DNAH3: variants seen among roughly 807,000 people sequenced by gnomAD.
DNAH3 encodes dynein axonemal heavy chain 3, also known as axonemal beta dynein heavy chain 3.
A neutral mutation model predicts 432.5 loss-of-function variants in DNAH3; 332 were observed. The observed-to-expected ratio is 0.77, with a 90% CI of 0.70 to 0.84. The LOEUF (loss-of-function observed/expected upper bound fraction) is 0.84. Among genes scored for constraint, DNAH3 ranks in the 40% least tolerant of loss-of-function variants. The pLI is 0.00. For synonymous variants in DNAH3, 1,956 were observed against 1,900.2 expected, an observed-to-expected ratio of 1.03 and a Z score of -0.76; for missense variants, 4,861 against 5,114.0, an observed-to-expected ratio of 0.95 and a Z score of 1.51.
At chr16:21,152,382 C>T (rs2092862111) in intron 1 of DNAH3, among the ~76,000 whole-genome samples, 1 of 152,240 alleles carries the variant, frequency 6.6e-6, no homozygotes, top group Non-Finnish European at 1.5e-5. Context: ...AGAACACAAA[C>T]ATTCCCGAGT....
chr16:20,959,505 C>T, intron 53 of DNAH3, 101 bp from the exon 54 acceptor site: 1 of 1,222,522 alleles, frequency 8.2e-7, no homozygotes. Context: ...TGTGGTGGCT[C>T]ACACCTGTAA....
intron 9 of DNAH3, among the ~76,000 whole-genome samples, chr16:21,122,446 A>G (rs2092363762): frequency 2.6e-5 from 4 of 152,150 alleles, no homozygotes; most frequent in Admixed American, 6.5e-5. Flanking sequence ...AATCCTAGCT[A>G]CTTGAGAGGC....
chr16:20,964,087 G>A (rs777678912), exon 53 of DNAH3: 2 of 1,614,184 alleles, frequency 1.2e-6, no homozygotes, highest in East Asian at 2.2e-5. Flanking sequence ...TAGCACTTTG[G>A]AGGAGGACAG....
chr16:21,144,062 A>G (rs1463924318), intron 3 of DNAH3, among the ~76,000 whole-genome samples: 1 of 152,204 alleles, frequency 6.6e-6, no homozygotes, highest in East Asian at 1.9e-4. Flanking sequence ...CATCCAACAA[A>G]AATTACTAAA....
intron 26 of DNAH3, among the ~76,000 whole-genome samples, chr16:21,059,593 G>C (rs2090271063): frequency 6.6e-6 from 1 of 152,070 alleles, no homozygotes; most frequent in African/African-American, 2.4e-5. Flanking sequence ...TGGCCAACAT[G>C]GTGAAACCAC....
chr16:20,942,685 G>C (rs185317916), intron 58 of DNAH3, among the ~76,000 whole-genome samples: 1 of 152,114 alleles, frequency 6.6e-6, no homozygotes, highest in African/African-American at 2.4e-5. Flanking sequence ...TTCTGGCTCC[G>C]TCCTTGATTT....
chr16:20,945,653 G>A (rs2084012775), intron 57 of DNAH3, among the ~76,000 whole-genome samples: 2 of 152,072 alleles, frequency 1.3e-5, no homozygotes, highest in Admixed American at 6.6e-5. Flanking sequence ...ATCATGCCCG[G>A]CTAATTTTTT....
At chr16:21,157,915 T>TG (rs145116590) in intron 1 of DNAH3, among the ~76,000 whole-genome samples, 94,386 of 146,168 alleles carry the variant, frequency 0.65, 30,292 homozygotes, top group South Asian at 0.74. Flanking sequence ...CAACTGGAGG[T>TG]GGGGGGGGGC....
chr16:21,117,311 T>C, exon 12 of DNAH3: 1 of 1,607,246 alleles, frequency 6.2e-7, no homozygotes. Context: ...ATTATATCCT[T>C]TCAGCTCTGG....
rs148139695 is a variant in DNAH3 at position 20,975,462 on chromosome 16, G to A, written c.8077-47C>T. ...GAAATCCAGGGTCAGCACTGAAAAT[G>A]GCAAAGTAGACAAGAATTGAAATGA... On this transcript the variant is annotated intron_variant, in intron 50 of 61. Transcript: ENST00000261383. 9 of 1,562,202 alleles carry A rather than the reference G, an allele frequency of 5.8e-6. No homozygotes were observed. The African/African-American group carries it at 1.2e-4, about 21-fold the overall frequency.
At chr16:21,045,627 T>C (rs945871655) in intron 31 of DNAH3, among the ~76,000 whole-genome samples, 35 of 140,182 alleles carry the variant, frequency 2.5e-4, no homozygotes, top group African/African-American at 6.6e-4. Flanking sequence ...AAAAACCAGC[T>C]CCTGGATTCA....
Position 21,118,962 on chromosome 16 carries a change from G to A in DNAH3, c.1700-1645C>T, listed in dbSNP as rs75816819. ...TTCAGAGTGTTTCAGTGAGTTACAT[G>A]GGTTATATGCCTTTGATGGAAATGC... is the stretch of plus-strand genomic sequence containing the variant. On this transcript the variant is annotated intron_variant, in intron 11 of 61. Transcript: ENST00000261383. 1.1e-3 allele frequency among the ~76,000 whole-genome samples: 166 copies of A among 152,320 alleles called. 3 individuals carry two copies. The East Asian group carries it at 0.031, about 28-fold the overall frequency.
At chr16:21,057,754 T>G (rs1287985365) in intron 27 of DNAH3, among the ~76,000 whole-genome samples, 1 of 152,078 alleles carries the variant, frequency 6.6e-6, no homozygotes, top group Non-Finnish European at 1.5e-5. Flanking sequence ...AGGCAGATGG[T>G]GGCCCCTTGG....
At chr16:21,042,068 G>T (rs914727289) in exon 32 of DNAH3, 1 of 1,613,698 alleles carries the variant, frequency 6.2e-7, no homozygotes, top group African/African-American at 1.3e-5. Flanking sequence ...GCATACCCGG[G>T]GTTCATGGTG....
At chr16:21,151,704 T>C (rs1232929807) in intron 1 of DNAH3, among the ~76,000 whole-genome samples, 3 of 152,194 alleles carry the variant, frequency 2.0e-5, no homozygotes, top group Non-Finnish European at 4.4e-5. Context: ...ATAAATGTTG[T>C]GGCTAACATC....
intron 49 of DNAH3, among the ~76,000 whole-genome samples, chr16:20,981,591 G>A (rs2085899997): frequency 6.6e-6 from 1 of 152,110 alleles, no homozygotes; most frequent in African/African-American, 2.4e-5. Context: ...TGGGCATGGA[G>A]GCTCACACCT....
chr16:20,972,637 A>ACCCAG (rs1429446558), intron 51 of DNAH3, among the ~76,000 whole-genome samples: 1 of 151,956 alleles, frequency 6.6e-6, no homozygotes, highest in Non-Finnish European at 1.5e-5. Flanking sequence ...TGACTCTGAC[A>ACCCAG]GGGATCAGAC....
At chr16:20,936,918 G>T in intron 59 of DNAH3, 65 bp from the exon 60 acceptor site, 1 of 1,318,076 alleles carries the variant, frequency 7.6e-7, no homozygotes, top group South Asian at 1.3e-5. Flanking sequence ...CAAGTCCACT[G>T]ACTGCTGTCC....
At chr16:21,111,632 T>C in exon 14 of DNAH3, 1 of 1,611,836 alleles carries the variant, frequency 6.2e-7, no homozygotes, top group African/African-American at 1.3e-5. Context: ...ATACCTGGTA[T>C]TGGTGTCTCG....
Sources: gnomAD v4.1 joint callset for allele counts (sites outside exome capture counted in the v4.1 genomes callset) on GRCh38, gnomAD v4.1.1 for gene constraint, MANE v1.5 for transcripts, NCBI Gene and HGNC (gene_info 2026-07-23, HGNC 2026-07-21) for gene names.